SPATS2L: variants seen among roughly 807,000 people sequenced by gnomAD.
SPATS2L encodes the protein spermatogenesis associated serine rich 2 like.
Under a neutral mutation model 59.6 loss-of-function variants are expected in SPATS2L, and 30 were observed. The observed-to-expected ratio is 0.50, with a 90% CI of 0.38 to 0.68. The LOEUF is 0.68. Among genes scored for constraint, SPATS2L ranks in the 30% least tolerant of loss-of-function variants. The pLI, the probability that SPATS2L is intolerant of heterozygous loss-of-function variation, is 0.00. For missense variants in SPATS2L, 615 were observed against 700.0 expected (o/e 0.88, Z 1.37); for synonymous variants, 252 against 263.5 (o/e 0.96, Z 0.42).
chr2:200,419,188 A>G (rs1335584531), intron 5 of SPATS2L, 62 bp from the exon 6 acceptor site: 2 of 1,469,822 alleles, frequency 1.4e-6, no homozygotes, highest in Non-Finnish European at 1.8e-6. Flanking sequence ...CATCTCTCAG[A>G]TTCACCTTAT....
At chr2:200,383,734 G>A in intron 2 of SPATS2L, 1 of 220,166 alleles carries the variant, frequency 4.5e-6, no homozygotes, top group Non-Finnish European at 7.9e-6. Flanking sequence ...CCTATTAACG[G>A]CCCCAAATAT....
chr2:200,444,395 C>T (rs1228702403), intron 8 of SPATS2L, among the ~76,000 whole-genome samples: 1 of 152,026 alleles, frequency 6.6e-6, no homozygotes, highest in Non-Finnish European at 1.5e-5. Context: ...CAAAATAGAG[C>T]TGTAAAAATT....
At chr2:200,438,115 C>T (rs2084427098) in intron 6 of SPATS2L, among the ~76,000 whole-genome samples, 1 of 151,956 alleles carries the variant, frequency 6.6e-6, no homozygotes, top group Non-Finnish European at 1.5e-5. Flanking sequence ...AGCAAGGTAC[C>T]ATGGGAGTAG....
At chr2:200,459,947 G>T in intron 9 of SPATS2L, 120 bp downstream of exon 9, 1 of 744,778 alleles carries the variant, frequency 1.3e-6, no homozygotes. Flanking sequence ...TGAAATTTTG[G>T]CTCATGAACT....
Position 200,477,923 on chromosome 2 carries a change from C to T in SPATS2L, c.1569C>T (p.Phe523=). 1.2e-6 allele frequency: 2 copies of T among 1,612,280 alleles called. No individual in the cohort carries two copies. Among genetic ancestry groups the T allele is most frequent in the Non-Finnish European group, 1.7e-6 (2 of 1,179,728 alleles). The change falls in exon 13 of 13, where the codon TTC becomes TTT. Residue 523 remains phenylalanine, a synonymous_variant. Coordinates refer to ENST00000409140, the MANE Select transcript of SPATS2L (RefSeq NM_001100423.2). ...CAGACACCTCGGAGGCCAGGCCCTT[C>T]CGGGGTAGTGTCGGTAGGGTTTCAC... ...HAADTSEARP[F]RGSVGRVSQC... is the part of the protein sequence containing the mutation.
intron 9 of SPATS2L, among the ~76,000 whole-genome samples, chr2:200,463,541 A>C (rs1466415660): frequency 6.6e-6 from 1 of 152,226 alleles, no homozygotes; most frequent in Non-Finnish European, 1.5e-5. Context: ...TGAGTATACT[A>C]TACGAAACAC....
Position 200,457,082 on chromosome 2 carries a change from A to G in SPATS2L, c.789-2687A>G, listed in dbSNP as rs1237437022. On this transcript the variant is annotated intron_variant, in intron 8 of 12. Transcript: ENST00000409140. Reference sequence around the variant, plus strand: ...CTCAAGCAGAGTAGCTTAACCATATATTTGTAGTTTGGGCTTCTGGCTCCA... The same window carrying G: ...CTCAAGCAGAGTAGCTTAACCATATGTTTGTAGTTTGGGCTTCTGGCTCCA... Among the ~76,000 whole-genome samples, 4 of 151,992 alleles carry G rather than the reference A, an allele frequency of 2.6e-5. No individual in the cohort carries two copies. The East Asian group carries it at 7.7e-4, about 29-fold the overall frequency.
intron 3 of SPATS2L, among the ~76,000 whole-genome samples, chr2:200,410,005 ATT>A (rs1003067015): frequency 2.0e-5 from 3 of 152,178 alleles, no homozygotes; most frequent in African/African-American, 7.2e-5. Flanking sequence ...GAAAGCCATT[ATT>A]TTATGTTTAT....
intron 1 of SPATS2L, among the ~76,000 whole-genome samples, chr2:200,327,200 T>G (rs2079778912): frequency 6.6e-6 from 1 of 151,894 alleles, no homozygotes; most frequent in South Asian, 2.1e-4. Flanking sequence ...GGTCAGGAGT[T>G]TGAGACTACC....
chr2:200,364,589 T>G (rs955283232), intron 2 of SPATS2L, among the ~76,000 whole-genome samples: 1 of 152,230 alleles, frequency 6.6e-6, no homozygotes, highest in African/African-American at 2.4e-5. Context: ...ATTTTATATA[T>G]CAACTCTCAG....
intron 1 of SPATS2L, among the ~76,000 whole-genome samples, chr2:200,326,287 T>G (rs2079739584): frequency 2.0e-5 from 3 of 152,192 alleles, no homozygotes; most frequent in Admixed American, 2.0e-4. Context: ...CTTTTCACTT[T>G]TTTAAGGCTG....
chr2:200,464,633 CT>C (rs1386953582), intron 9 of SPATS2L, among the ~76,000 whole-genome samples: 1 of 151,948 alleles, frequency 6.6e-6, no homozygotes, highest in Non-Finnish European at 1.5e-5. Context: ...GGCCTTCAGA[CT>C]TTTTTTATTA....
At chr2:200,360,103 T>C (rs991239944) in intron 2 of SPATS2L, among the ~76,000 whole-genome samples, 3 of 152,230 alleles carry the variant, frequency 2.0e-5, no homozygotes, top group Non-Finnish European at 2.9e-5. Flanking sequence ...AAATAACATA[T>C]ATGGTCCATG....
At chr2:200,312,502 T>C (rs1171221245) in intron 1 of SPATS2L, among the ~76,000 whole-genome samples, 1 of 152,252 alleles carries the variant, frequency 6.6e-6, no homozygotes, top group Admixed American at 6.5e-5. Flanking sequence ...TGGATTGTGC[T>C]ATTTCAGGAG....
chr2:200,464,442 A>G (rs910504736), intron 9 of SPATS2L, among the ~76,000 whole-genome samples: 1 of 152,196 alleles, frequency 6.6e-6, no homozygotes, highest in Non-Finnish European at 1.5e-5. Context: ...GGGCCCATTT[A>G]TATCTATTTC....
At chr2:200,344,078 TA>T (rs928101631) in intron 2 of SPATS2L, among the ~76,000 whole-genome samples, 57 of 151,142 alleles carry the variant, frequency 3.8e-4, no homozygotes, top group Middle Eastern at 3.4e-3. Flanking sequence ...TAAAATTTAT[TA>T]AAAAAAAATA....
chr2:200,458,748 T>A (rs2086032475), intron 8 of SPATS2L, among the ~76,000 whole-genome samples: 1 of 151,960 alleles, frequency 6.6e-6, no homozygotes, highest in South Asian at 2.1e-4. Context: ...AAAAAAAAGA[T>A]TTATGGGACA....
intron 1 of SPATS2L, among the ~76,000 whole-genome samples, chr2:200,311,612 G>GA (rs1474746036): frequency 2.0e-5 from 3 of 152,232 alleles, no homozygotes; most frequent in South Asian, 2.1e-4. Flanking sequence ...CTGTAAATTA[G>GA]AAAAAAATAC....
chr2:200,376,796 G>A (rs1275800581), intron 2 of SPATS2L, among the ~76,000 whole-genome samples: 1 of 152,204 alleles, frequency 6.6e-6, no homozygotes, highest in Non-Finnish European at 1.5e-5. Flanking sequence ...TCCTTAGCAG[G>A]GCTGCAGTCA....
Sources: gnomAD v4.1 joint callset for allele counts (sites outside exome capture counted in the v4.1 genomes callset) on GRCh38, gnomAD v4.1.1 for gene constraint, MANE v1.5 for transcripts, NCBI Gene and HGNC (gene_info 2026-07-23, HGNC 2026-07-21) for gene names.